The following ZNF283 variants were observed in gnomAD, a reference collection of about 807,000 sequenced individuals.
The protein encoded by ZNF283 is zinc finger protein 41.
A neutral mutation model predicts 9.2 loss-of-function variants in ZNF283; 10 were observed. The ratio of observed to expected loss-of-function variants is 1.09; its 90% CI spans 0.67 to 1.85. The LOEUF is 1.85. ZNF283 is among the 40% of genes most tolerant of loss of function. ZNF283 has a pLI of 0.00. For missense variants in ZNF283, 631 were observed against 760.1 expected (o/e 0.83, Z 2.00); for synonymous variants, 234 against 244.1 (o/e 0.96, Z 0.38).
In ZNF283 at chr19:43,847,799, G is replaced by A; in HGVS notation, c.1198G>A (p.Glu400Lys). ...LTRHQIFHTG[E>K]KPYECKECGK... ...TCGACATCAGATATTTCATACTGGT[G>A]AGAAACCCTATGAATGCAAGGAATG... Residue 400 changes from glutamate (E) to lysine (K), a missense_variant, in exon 7 of 7, where the codon GAG becomes AAG. Coordinates refer to ENST00000618787, the MANE Select transcript of ZNF283 (RefSeq NM_181845.2). 1 of 1,614,002 alleles carries A rather than the reference G, an allele frequency of 6.2e-7. No homozygotes were observed. The highest frequency in any genetic ancestry group is 8.5e-7 in the Non-Finnish European group (1 of 1,179,954).
In ZNF283 at chr19:43,829,966, T is replaced by C. The variant is rs183017611; in HGVS notation, c.-64-1352T>C. 6.4e-4 allele frequency among the ~76,000 whole-genome samples: 97 copies of C among 152,214 alleles called. 2 individuals carry two copies. In the East Asian group the frequency reaches 0.016, roughly 24 times the overall value. ...TGAACCCAGCAGGCGGAGGTTGTAG[T>C]GTGCCGAGATCGCGCCACTGCACTC... On this transcript the variant is annotated intron_variant, in intron 2 of 6. Transcript: ENST00000618787.
intron 5 of ZNF283, among the ~76,000 whole-genome samples, chr19:43,835,910 G>A (rs757406220): frequency 8.5e-5 from 13 of 152,262 alleles, no homozygotes; most frequent in East Asian, 1.9e-4. Context: ...TCATTTTGTC[G>A]TCAACCAGGA....
rs776798162 is a variant in ZNF283, at chr19:43,837,128, G to A, written c.286G>A (p.Asp96Asn). ...GGAATGCCTGGACCCTGCTCAGAGG[G>A]ACTTGTACGTGGATGTAATGTTGGA... The part of the protein sequence containing the change: ...EWECLDPAQR[D>N]LYVDVMLENY... Residue 96 changes from aspartate to asparagine, a missense_variant, in exon 6 of 7, where the codon GAC (aspartate) becomes AAC (asparagine). By Grantham distance (23) the Asp-to-Asn change is conservative. Transcript: ENST00000618787. The A allele has an allele frequency of 1.2e-6, 2 of 1,613,834 alleles. No individual in the cohort carries two copies. The highest frequency in any genetic ancestry group is 1.7e-6 in the Non-Finnish European group (2 of 1,179,874).
At chr19:43,840,143 G>A (rs1971141451) in intron 6 of ZNF283, among the ~76,000 whole-genome samples, 2 of 152,008 alleles carry the variant, frequency 1.3e-5, no homozygotes, top group African/African-American at 4.8e-5. Context: ...CTTATTGTAT[G>A]TGGTCACTGA....
chr19:43,847,124 T>G lies in ZNF283; in HGVS notation c.523T>G (p.Phe175Val), dbSNP rs200882734. 447 of 1,613,488 alleles carry G rather than the reference T, an allele frequency of 2.8e-4. No individual in the cohort carries two copies. The highest frequency in any genetic ancestry group is 9.9e-4 in the Middle Eastern group (6 of 6,062). ...ACTAAAAGGACATCAAGAGGGATAC[T>G]TCAGTCAAATGATAATCAGCTATGA... ...EGLKGHQEGY[F>V]SQMIISYEKI... The change falls in exon 7 of 7, where the codon TTC becomes GTC. Residue 175 changes from phenylalanine to valine, a missense_variant. Physicochemically the swap from Phe to Val is conservative, Grantham distance 50. Around this residue, in one of 3 missense-constraint regions of ZNF283, gnomAD observed 184 missense variants for 220.0 expected, o/e 0.84. Transcript: ENST00000618787.
rs1599737692 is a variant in ZNF283 at position 43,850,790 on chromosome 19, A to G, written c.*2149A>G. The G allele has an allele frequency of 2.0e-5, 3 of 152,276 alleles. No individual in the cohort carries two copies. The highest frequency in any genetic ancestry group is 3.9e-4 in the East Asian group (2 of 5,186). 9.4% of individuals were successfully genotyped at this position (152,276 alleles called of 1,614,324 possible). A position where few individuals can be genotyped will look rare whatever the true frequency, so the allele number is the denominator to read the frequency against. ...TGATGGCTTCTTGCAACCACTTTCAACCAGGTGCCTGTCATGATTTAGTGC... is the reference window on the plus strand; with the variant it reads ...TGATGGCTTCTTGCAACCACTTTCAGCCAGGTGCCTGTCATGATTTAGTGC... On this transcript the variant is annotated 3_prime_UTR_variant, in exon 7 of 7. Coordinates refer to ENST00000618787, the MANE Select transcript of ZNF283 (RefSeq NM_181845.2).
At chr19:43,844,579 G>A (rs1199904047) in intron 6 of ZNF283, among the ~76,000 whole-genome samples, 1 of 152,158 alleles carries the variant, frequency 6.6e-6, no homozygotes, top group African/African-American at 2.4e-5. Context: ...ATAAAAAGCA[G>A]CAAGACATTG....
intron 1 of ZNF283, chr19:43,827,658 G>A (rs349030): frequency 0.42 from 63,456 of 152,122 alleles, 13,332 homozygotes; most frequent in Non-Finnish European, 0.45. Context: ...TGTCTCAGAC[G>A]GCGTGGCAGG....
chr19:43,832,169 C>T (rs1224603211), intron 3 of ZNF283, among the ~76,000 whole-genome samples: 1 of 152,126 alleles, frequency 6.6e-6, no homozygotes, highest in Non-Finnish European at 1.5e-5. Flanking sequence ...ATATTTACAA[C>T]TTCTGGGATT....
rs1971447940 is a variant in ZNF283 at position 43,847,449 on chromosome 19, G to T, written c.848G>T (p.Arg283Ile). 7 of 1,613,926 alleles carry T rather than the reference G, an allele frequency of 4.3e-6. No individual in the cohort carries two copies. Among genetic ancestry groups the T allele is most frequent in the South Asian group, 1.1e-5 (1 of 91,066 alleles). Residue 283 changes from arginine to isoleucine, a missense_variant, in exon 7 of 7, where the codon AGA becomes ATA. Around this residue, in one of 3 missense-constraint regions of ZNF283, gnomAD observed 444 missense variants for 522.5 expected, o/e 0.85. Transcript: ENST00000618787. ...SWGSSLVKHE[R>I]IHTGEKPYEC... The stretch of plus-strand genomic sequence containing the variant: ...GGATCAAGCCTTGTTAAACATGAGA[G>T]AATTCACACTGGTGAGAAACCCTAT...
chr19:43,828,663 T>A (rs575984328), intron 2 of ZNF283, among the ~76,000 whole-genome samples: 8 of 152,336 alleles, frequency 5.3e-5, no homozygotes, highest in South Asian at 4.1e-4. Flanking sequence ...AATTTTTTTT[T>A]AACTTTTTTT....
chr19:43,844,743 G>T (rs574943803), intron 6 of ZNF283, among the ~76,000 whole-genome samples: 1 of 152,036 alleles, frequency 6.6e-6, no homozygotes, highest in Non-Finnish European at 1.5e-5. Flanking sequence ...TGAAAACCCC[G>T]CACAACCAAG....
intron 6 of ZNF283, among the ~76,000 whole-genome samples, chr19:43,838,536 G>T (rs1029607518): frequency 6.6e-6 from 1 of 152,146 alleles, no homozygotes; most frequent in African/African-American, 2.4e-5. Flanking sequence ...GGCTGAGGTG[G>T]CTGGATTGCT....
At chr19:43,836,432 C>T (rs1001771281) in intron 5 of ZNF283, among the ~76,000 whole-genome samples, 1 of 152,214 alleles carries the variant, frequency 6.6e-6, no homozygotes, top group African/African-American at 2.4e-5. Flanking sequence ...ACTTCTCCCT[C>T]CCAGGTTCAA....
chr19:43,840,967 G>C (rs1971187453), intron 6 of ZNF283: 1 of 151,928 alleles, frequency 6.6e-6, no homozygotes, highest in South Asian at 2.1e-4. Flanking sequence ...CTCCCAAAAT[G>C]CTAGGATTAC....
Position 43,848,742 on chromosome 19 carries a change from A to G in ZNF283, c.*101A>G, listed in dbSNP as rs1233204033. On this transcript the variant is annotated 3_prime_UTR_variant, in exon 7 of 7. Coordinates refer to ENST00000618787, the MANE Select transcript of ZNF283 (RefSeq NM_181845.2). ...CCTTGTGAATGTAAGGGTTGTGCAA[A>G]AGCCATTCATTTCTGTTTATGGGCA... is the stretch of plus-strand genomic sequence containing the variant. 7 of 1,222,342 alleles carry G rather than the reference A, an allele frequency of 5.7e-6. No homozygotes were observed. Among genetic ancestry groups the G allele is most frequent in the Admixed American group, 2.7e-5 (1 of 36,470 alleles). The allele number at this position is 1,222,342 out of a possible 1,614,324, so 75.7% of individuals were successfully genotyped here. A position where few individuals can be genotyped will look rare whatever the true frequency, so the allele number is the denominator to read the frequency against.
At chr19:43,837,623 T>C (rs1971036992) in intron 6 of ZNF283, 1 of 193,348 alleles carries the variant, frequency 5.2e-6, no homozygotes, top group Non-Finnish European at 1.0e-5. Flanking sequence ...AAACATCAAA[T>C]AAGTAAATTT....
In ZNF283 at chr19:43,835,504, G is replaced by T; in HGVS notation, c.123-1G>T. On this transcript the variant is annotated splice_acceptor_variant, in intron 4 of 6. Coordinates refer to ENST00000618787, the MANE Select transcript of ZNF283 (RefSeq NM_181845.2). LOFTEE classifies it high-confidence loss of function. ...TTTAACGCTTCGTTTTCCCTCCCCAGTTCTGGCTTTTCTGGATTCTGTGCT... is the reference window on the plus strand; with the variant it reads ...TTTAACGCTTCGTTTTCCCTCCCCATTTCTGGCTTTTCTGGATTCTGTGCT... 2 of 1,607,912 alleles carry T rather than the reference G, an allele frequency of 1.2e-6. No individual in the cohort carries two copies. The highest frequency in any genetic ancestry group is 1.7e-6 in the Non-Finnish European group (2 of 1,176,548).
intron 4 of ZNF283, among the ~76,000 whole-genome samples, chr19:43,834,815 C>T (rs1452470025): frequency 2.0e-5 from 3 of 151,948 alleles, no homozygotes; most frequent in Non-Finnish European, 4.4e-5. Flanking sequence ...AGGATGGTCT[C>T]GATCTCCTGA....
Sources: gnomAD v4.1 joint callset for allele counts (sites outside exome capture counted in the v4.1 genomes callset) on GRCh38, gnomAD v4.1.1 for gene constraint, gnomAD v4.1.1 regional missense constraint, MANE v1.5 for transcripts, NCBI Gene and HGNC (gene_info 2026-07-23, HGNC 2026-07-21) for gene names.